ARMC10: variants seen among roughly 807,000 people sequenced by gnomAD.
The protein encoded by ARMC10 is armadillo repeat containing 10.
In ARMC10, 23 loss-of-function variants were observed where a neutral mutation model predicts 30.2. That is an observed-to-expected ratio of 0.76 (90% CI 0.55 to 1.08). The LOEUF (loss-of-function observed/expected upper bound fraction) is 1.08. ARMC10 is among the 50% of genes least tolerant of loss of function. ARMC10 has a pLI of 0.00. For synonymous variants in ARMC10, 111 were observed against 164.4 expected (o/e 0.68, Z 2.48); for missense variants, 303 against 413.7 (o/e 0.73, Z 2.32).
Position 103,098,562 on chromosome 7 carries a change from A to G in ARMC10, c.*9A>G, listed in dbSNP as rs1801981525. The G allele has an allele frequency of 6.5e-7, 1 of 1,542,484 alleles. No individual in the cohort carries two copies. Among genetic ancestry groups the G allele is most frequent in the African/African-American group, 1.4e-5 (1 of 72,626 alleles). On this transcript the variant is annotated 3_prime_UTR_variant, in exon 7 of 7. Coordinates refer to ENST00000323716, the MANE Select transcript of ARMC10 (RefSeq NM_031905.5). ...TAATACCCAAAATCTGATTGGTCAT[A>G]TTTTTCCAAAGAGTAATGCAGTCTG...
At chr7:103,082,049 A>G in intron 2 of ARMC10, 1 of 362,940 alleles carries the variant, frequency 2.8e-6, no homozygotes, top group Non-Finnish European at 5.4e-6. Context: ...TGAACCCCAA[A>G]TTCTTTCCGT....
chr7:103,078,379 C>T lies in ARMC10; in HGVS notation c.244+2498C>T, dbSNP rs183523734. Reference sequence around the variant, plus strand: ...GTTCCCCTCCCCTCCATGCTCTTCTCGTGATAGTTCTCAGGAGATCTGATG... The same window carrying T: ...GTTCCCCTCCCCTCCATGCTCTTCTTGTGATAGTTCTCAGGAGATCTGATG... On this transcript the variant is annotated intron_variant, in intron 2 of 6. Coordinates refer to ENST00000323716, the MANE Select transcript of ARMC10 (RefSeq NM_031905.5). Among the ~76,000 whole-genome samples, 639 of 152,308 alleles carry T rather than the reference C, an allele frequency of 4.2e-3. 9 individuals carry two copies. Among genetic ancestry groups the T allele is most frequent in the Admixed American group, 0.033 (509 of 15,302 alleles).
intron 3 of ARMC10, 56 bp downstream of exon 3, chr7:103,083,886 T>C (rs1031431185): frequency 3.2e-6 from 5 of 1,585,484 alleles, no homozygotes; most frequent in Non-Finnish European, 3.4e-6. Context: ...CTAGCGGTAA[T>C]TGTGACCCTG....
At chr7:103,088,467 GA>G (rs1412920000) in intron 4 of ARMC10, among the ~76,000 whole-genome samples, 1 of 152,026 alleles carries the variant, frequency 6.6e-6, no homozygotes, top group African/African-American at 2.4e-5. Context: ...AAGATTTCCT[GA>G]TTTGAAATAG....
At position 103,099,462 on chromosome 7, in the gene ARMC10, A is replaced by T. The variant is rs1284751023; in HGVS notation, c.*909A>T. The T allele has an allele frequency of 6.9e-6, 1 of 144,534 alleles. No homozygotes were observed. The highest frequency in any genetic ancestry group is 2.0e-4 in the East Asian group (1 of 5,038). 9.0% of individuals were successfully genotyped at this position (144,534 alleles called of 1,614,324 possible). Reference sequence around the variant, plus strand: ...CTCCAGCCTGGGCAACAAGAGCAAAACTCTGTCTCAAAAAAAAAAAAAAAT... The same window carrying T: ...CTCCAGCCTGGGCAACAAGAGCAAATCTCTGTCTCAAAAAAAAAAAAAAAT... On this transcript the variant is annotated 3_prime_UTR_variant, in exon 7 of 7. Coordinates refer to ENST00000323716, the MANE Select transcript of ARMC10 (RefSeq NM_031905.5).
chr7:103,084,081 CG>C, intron 3 of ARMC10: 3 of 1,436,000 alleles, frequency 2.1e-6, no homozygotes, highest in Non-Finnish European at 2.8e-6. Context: ...ATCTAATCAA[CG>C]TTTACCATTT....
intron 4 of ARMC10, among the ~76,000 whole-genome samples, chr7:103,091,769 C>T (rs2129523774): frequency 6.6e-6 from 1 of 152,308 alleles, no homozygotes; most frequent in Middle Eastern, 3.4e-3. Context: ...TGGGAGGCCT[C>T]CAACCAGGGA....
Position 103,086,536 on chromosome 7 carries a change from A to AT in ARMC10, c.394-89dup, listed in dbSNP as rs140996657. 2.7e-3 allele frequency: 3,744 copies of AT among 1,366,084 alleles called. 77 individuals are homozygous for AT. The African/African-American group carries it at 0.047, about 17-fold the overall frequency. The allele number at this position is 1,366,084 out of a possible 1,614,324, so 84.6% of individuals were successfully genotyped here. ...GAAAGAGATTTCCAAAAAGCCGTTG[A>AT]TTTTTAATTGTATTTGTGGATGCAA... On this transcript the variant is annotated intron_variant, in intron 3 of 6. Coordinates refer to ENST00000323716, the MANE Select transcript of ARMC10 (RefSeq NM_031905.5).
intron 4 of ARMC10, among the ~76,000 whole-genome samples, chr7:103,091,060 A>G (rs1801274370): frequency 1.3e-5 from 2 of 152,190 alleles, no homozygotes; most frequent in Non-Finnish European, 2.9e-5. Flanking sequence ...CTTAGCAGTT[A>G]GAACTTTTGG....
intron 2 of ARMC10, among the ~76,000 whole-genome samples, chr7:103,076,647 C>G (rs1354980023): frequency 1.3e-5 from 2 of 152,158 alleles, no homozygotes; most frequent in Non-Finnish European, 1.5e-5. Flanking sequence ...CCAGCTTGAC[C>G]AACATGGGGA....
At chr7:103,076,009 C>A in intron 2 of ARMC10, 128 bp downstream of exon 2, 1 of 567,354 alleles carries the variant, frequency 1.8e-6, no homozygotes, top group Non-Finnish European at 2.9e-6. Context: ...TGTTTCACAT[C>A]ATGGAAGCTG....
intron 2 of ARMC10, among the ~76,000 whole-genome samples, chr7:103,077,173 G>T (rs150802667): frequency 0.024 from 3,608 of 152,272 alleles, 65 homozygotes; most frequent in Non-Finnish European, 0.036. Context: ...TTACAGGATT[G>T]AGCCTCCTCA....
chr7:103,075,486 G>A (rs892080857), intron 1 of ARMC10, 75 bp downstream of exon 1: 20 of 1,240,834 alleles, frequency 1.6e-5, no homozygotes, highest in Non-Finnish European at 1.9e-5. Context: ...GGTGGCTTGC[G>A]TGTGCTCGGG....
intron 2 of ARMC10, 151 bp downstream of exon 2, chr7:103,076,032 T>C: frequency 1.9e-6 from 1 of 523,032 alleles, no homozygotes; most frequent in Non-Finnish European, 3.2e-6. Flanking sequence ...AGGGAAATAA[T>C]TTAAAATATC....
At chr7:103,079,327 C>T (rs1027122837) in intron 2 of ARMC10, among the ~76,000 whole-genome samples, 5 of 150,092 alleles carry the variant, frequency 3.3e-5, no homozygotes, top group Admixed American at 6.6e-5. Context: ...AGCTGAAGCT[C>T]GGGGAAAAAA....
intron 3 of ARMC10, 162 bp downstream of exon 3, chr7:103,083,992 A>G (rs1256196316): frequency 1.3e-6 from 2 of 1,490,196 alleles, no homozygotes; most frequent in Admixed American, 2.2e-5. Flanking sequence ...TCTGAAAAAC[A>G]CAGCCTAATA....
rs879258919 is a variant in ARMC10 at position 103,084,972 on chromosome 7, G to GTGA, written c.393+1143_393+1145dup. ...CTGCAGCTAAGTAGCAGGGATGGCT[G>GTGA]TGAATACAAGTGAACAACAATCCCA... is the stretch of plus-strand genomic sequence containing the variant. On this transcript the variant is annotated intron_variant, in intron 3 of 6. Coordinates refer to ENST00000323716, the MANE Select transcript of ARMC10 (RefSeq NM_031905.5). Among the ~76,000 whole-genome samples the GTGA allele has an allele frequency of 2.0e-4, 30 of 152,330 alleles. 1 individual carries two copies. The Middle Eastern group carries it at 0.02, about 104-fold the overall frequency.
At position 103,081,166 on chromosome 7, in the gene ARMC10, C is replaced by T. The variant is rs945086576; in HGVS notation, c.245-2516C>T. Reference sequence around the variant, plus strand: ...AGGCTGAGAGAGCCTAAGTCTCTTACCTGGTAAGTAGCTTATTTGGGAATT... The same window carrying T: ...AGGCTGAGAGAGCCTAAGTCTCTTATCTGGTAAGTAGCTTATTTGGGAATT... On this transcript the variant is annotated intron_variant, in intron 2 of 6. Coordinates refer to ENST00000323716, the MANE Select transcript of ARMC10 (RefSeq NM_031905.5). Among the ~76,000 whole-genome samples, 13 of 152,138 alleles carry T rather than the reference C, an allele frequency of 8.5e-5. 1 individual carries two copies. The highest frequency in any genetic ancestry group is 3.1e-4 in the African/African-American group (13 of 41,414).
In ARMC10 at chr7:103,098,639, A is replaced by C. The variant is rs1269932917; in HGVS notation, c.*86A>C. On this transcript the variant is annotated 3_prime_UTR_variant, in exon 7 of 7. Transcript: ENST00000323716. ...TATAAGGGGATTCTCCCAGCTGCTA[A>C]ATTTAAACAGTAAATATCACATTTT... The C allele has an allele frequency of 2.7e-6, 4 of 1,493,594 alleles. No individual in the cohort carries two copies. Among genetic ancestry groups the C allele is most frequent in the Non-Finnish European group, 3.6e-6 (4 of 1,123,236 alleles). 92.5% of individuals were successfully genotyped at this position (1,493,594 alleles called of 1,614,324 possible).
Sources: allele counts gnomAD v4.1 joint callset (sites outside exome capture counted in the v4.1 genomes callset), GRCh38; gene constraint gnomAD v4.1.1; transcripts MANE v1.5; gene names NCBI Gene and HGNC (gene_info 2026-07-23, HGNC 2026-07-21).